MCF2L: variants seen among roughly 807,000 people sequenced by gnomAD.
The protein encoded by MCF2L is guanine nucleotide exchange factor DBS.
MCF2L carries 97 observed loss-of-function variants against 153.4 expected under a neutral mutation model. That is an observed-to-expected ratio of 0.63 (90% CI 0.54 to 0.75). MCF2L has a LOEUF of 0.75. Ranked by LOEUF, MCF2L falls within the 30% of genes least tolerant of loss-of-function variation. The pLI is 0.00. For synonymous variants in MCF2L, 659 were observed against 632.2 expected, an observed-to-expected ratio of 1.04 and a Z score of -0.64; for missense variants, 1,347 against 1,495.2, an observed-to-expected ratio of 0.90 and a Z score of 1.64.
chr13:113,008,849 C>T (rs1413277300), intron 1 of MCF2L: 2 of 152,272 alleles, frequency 1.3e-5, no homozygotes, highest in Admixed American at 6.5e-5. Context: ...CCAAACAACA[C>T]ACCCATGTGT....
chr13:112,918,189 C>T (rs1000414357), intron 2 of MCF2L, among the ~76,000 whole-genome samples: 20 of 152,176 alleles, frequency 1.3e-4, no homozygotes, highest in East Asian at 5.8e-4. Context: ...GGCATCTGCG[C>T]GGGAGGAACT....
intron 1 of MCF2L, among the ~76,000 whole-genome samples, chr13:112,970,252 C>A (rs776218337): frequency 2.6e-5 from 4 of 152,108 alleles, no homozygotes; most frequent in Non-Finnish European, 5.9e-5. Flanking sequence ...GTCATATATG[C>A]CATTACTAGT....
rs560677598 is a variant in MCF2L, at chr13:113,076,971, C to T, written c.1501-81C>T. On this transcript the variant is annotated intron_variant, in intron 12 of 29. Transcript: ENST00000535094. ...TTTAAAGCGGGGGTTGGGCGTGCCCCGGCACGTTCTGCGCCTGACTGTGTA... is the reference window on the plus strand; with the variant it reads ...TTTAAAGCGGGGGTTGGGCGTGCCCTGGCACGTTCTGCGCCTGACTGTGTA... The T allele has an allele frequency of 2.1e-5, 30 of 1,460,662 alleles. 1 individual carries two copies. The South Asian group carries it at 3.1e-4, about 15-fold the overall frequency. 90.5% of individuals were successfully genotyped at this position (1,460,662 alleles called of 1,614,324 possible). A position where few individuals can be genotyped will look rare whatever the true frequency, so the allele number is the denominator to read the frequency against.
chr13:112,994,554 T>C (rs374578875), intron 1 of MCF2L, among the ~76,000 whole-genome samples: 1 of 152,226 alleles, frequency 6.6e-6, no homozygotes, highest in East Asian at 1.9e-4. Context: ...GGATTCCCCT[T>C]TGGTGAGCTG....
At chr13:113,065,427 C>T (rs753835628) in intron 7 of MCF2L, 146 of 322,116 alleles carry the variant, frequency 4.5e-4, no homozygotes, top group East Asian at 8.8e-4. Flanking sequence ...GCTGTCTGTG[C>T]GGGGAGCTCC....
intron 2 of MCF2L, among the ~76,000 whole-genome samples, chr13:112,919,960 C>T (rs1180508922): frequency 1.3e-5 from 2 of 152,194 alleles, no homozygotes; most frequent in Non-Finnish European, 2.9e-5. Context: ...CTCTTTCCTT[C>T]TTTTCTTATG....
intron 27 of MCF2L, chr13:113,094,926 C>A: frequency 7.4e-7 from 1 of 1,354,398 alleles, no homozygotes. Context: ...CCTCCTAGCT[C>A]CTCTGTCTCA....
chr13:112,981,498 G>A (rs895181971), intron 1 of MCF2L, among the ~76,000 whole-genome samples: 3 of 152,216 alleles, frequency 2.0e-5, no homozygotes, highest in Non-Finnish European at 4.4e-5. Flanking sequence ...AGGGCGGTGA[G>A]ACACCCCCAT....
chr13:112,926,425 C>T (rs192561207), intron 2 of MCF2L, among the ~76,000 whole-genome samples: 5 of 151,062 alleles, frequency 3.3e-5, no homozygotes, highest in East Asian at 1.9e-4. Context: ...GAGTGCAGTA[C>T]GGCCTGGTTT....
chr13:113,074,950 C>T lies in MCF2L; in HGVS notation c.1117-48C>T. The T allele has an allele frequency of 6.5e-7, 1 of 1,529,108 alleles. No individual in the cohort carries two copies. Among genetic ancestry groups the T allele is most frequent in the Non-Finnish European group, 8.9e-7 (1 of 1,126,400 alleles). The allele number at this position is 1,529,108 out of a possible 1,614,324, so 94.7% of individuals were successfully genotyped here. On this transcript the variant is annotated intron_variant, in intron 10 of 29. Coordinates refer to ENST00000535094, the MANE Select transcript of MCF2L (RefSeq NM_001112732.3). The surrounding 1 kb of genome is among the most constrained non-coding windows in gnomAD (Gnocchi z 4.2). ...TCCCGTACAGCAAGGCACTGTGTGC[C>T]TCGAACAGAAAGAGGCCTGAGCTGG...
intron 3 of MCF2L, among the ~76,000 whole-genome samples, chr13:113,037,316 G>A (rs1344169387): frequency 1.3e-5 from 2 of 152,218 alleles, no homozygotes; most frequent in African/African-American, 4.8e-5. Flanking sequence ...TAGACAGAGT[G>A]AAGAACACAA....
intron 1 of MCF2L, chr13:113,001,866 C>A: frequency 6.4e-7 from 1 of 1,554,494 alleles, no homozygotes; most frequent in Non-Finnish European, 8.6e-7. Context: ...CCGGGAAGGG[C>A]GTTCCGGGAG....
rs917684203 is a variant in MCF2L, at chr13:113,096,444, A to G, written c.3149A>G (p.Asp1050Gly). The G allele has an allele frequency of 3.8e-6, 6 of 1,594,272 alleles. No individual in the cohort carries two copies. Among genetic ancestry groups the G allele is most frequent in the Non-Finnish European group, 5.1e-6 (6 of 1,171,718 alleles). Residue 1050 changes from aspartate (D) to glycine (G), a missense_variant, in exon 28 of 30, where the codon GAC (aspartate) becomes GGC (glycine). Transcript: ENST00000535094. ...GATGCGCTGCGCGTGAGGAGCGGGG[A>G]CGTGGTGGAGCTGGTGCAGGAGGGC... is the stretch of plus-strand genomic sequence containing the variant. ...GPDALRVRSG[D>G]VVELVQEGDE...
Position 113,018,043 on chromosome 13 carries a change from C to T in MCF2L, c.163+3197C>T, listed in dbSNP as rs577552049. Reference sequence around the variant, plus strand: ...GCCATGGCTGCCACTGTGACATGTGCGGTCCCGTCTTCTCCCTCCATTGTC... The same window carrying T: ...GCCATGGCTGCCACTGTGACATGTGTGGTCCCGTCTTCTCCCTCCATTGTC... On this transcript the variant is annotated intron_variant, in intron 2 of 29. Transcript: ENST00000535094. Among the ~76,000 whole-genome samples, 12 of 152,338 alleles carry T rather than the reference C, an allele frequency of 7.9e-5. No individual in the cohort carries two copies. The East Asian group carries it at 1.7e-3, about 22-fold the overall frequency.
At chr13:113,042,112 C>A (rs1279737001) in intron 3 of MCF2L, among the ~76,000 whole-genome samples, 1 of 152,090 alleles carries the variant, frequency 6.6e-6, no homozygotes, top group Non-Finnish European at 1.5e-5. Flanking sequence ...CCTGCCTGCA[C>A]CCCGTTCCCA....
chr13:112,899,112 A>G (rs2081096171), intron 1 of MCF2L, among the ~76,000 whole-genome samples: 1 of 152,262 alleles, frequency 6.6e-6, no homozygotes, highest in Non-Finnish European at 1.5e-5. Flanking sequence ...CCTGCGTCAT[A>G]AACGAGGACC....
rs77520622 is a variant in MCF2L, at chr13:112,905,213, G to A, written c.169+2842G>A. On this transcript the variant is annotated intron_variant, in intron 2 of 29. Coordinates refer to the MCF2L transcript ENST00000375608. Reference sequence around the variant, plus strand: ...CTTCTGGTCGCTGCAAGAGCACACCGAACAAAGGAGGAGAGGGGGTTTTAT... The same window carrying A: ...CTTCTGGTCGCTGCAAGAGCACACCAAACAAAGGAGGAGAGGGGGTTTTAT... Among the ~76,000 whole-genome samples, 64 of 152,298 alleles carry A rather than the reference G, an allele frequency of 4.2e-4. 1 individual carries two copies. The East Asian group carries it at 0.01, about 25-fold the overall frequency.
chr13:113,001,762 T>G (rs2083388583), intron 1 of MCF2L: 1 of 1,372,466 alleles, frequency 7.3e-7, no homozygotes, highest in South Asian at 1.7e-5. Context: ...CTGGCTGCCC[T>G]GCAGAGGCCA....
chr13:112,904,005 C>T lies in MCF2L; in HGVS notation c.169+1634C>T, dbSNP rs770953654. Among the ~76,000 whole-genome samples, 10 of 152,172 alleles carry T rather than the reference C, an allele frequency of 6.6e-5. No homozygotes were observed. Among genetic ancestry groups the T allele is most frequent in the Non-Finnish European group, 1.2e-4 (8 of 68,028 alleles). ...CTCTGCAACTGGAAGGTTGCTGAGT[C>T]TTCCCGCGCTCAGCTTGGCTGTGAA... On this transcript the variant is annotated intron_variant, in intron 2 of 29. Coordinates refer to the MCF2L transcript ENST00000375608. This position sits in a 1 kb window ranked among gnomAD's most constrained non-coding sequence, Gnocchi z 4.2.
Sources: allele counts gnomAD v4.1 joint callset (sites outside exome capture counted in the v4.1 genomes callset), GRCh38; gene constraint gnomAD v4.1.1; non-coding constraint Gnocchi (gnomAD v3.1); transcripts MANE v1.5; gene names NCBI Gene and HGNC (gene_info 2026-07-23, HGNC 2026-07-21).